GUCY1A2: variants seen among roughly 807,000 people sequenced by gnomAD.
GUCY1A2 encodes the protein guanylate cyclase soluble subunit alpha-2.
GUCY1A2 carries 27 observed loss-of-function variants against 63.5 expected under a neutral mutation model. The ratio of observed to expected loss-of-function variants is 0.43; its 90% CI spans 0.31 to 0.59. The LOEUF is 0.59. Among genes scored for constraint, GUCY1A2 ranks in the 20% least tolerant of loss-of-function variants. The probability of loss-of-function intolerance (pLI) is 0.11; values close to 1 mark genes in which losing one functional copy is unlikely to be tolerated. For missense variants in GUCY1A2, 768 were observed against 913.3 expected (o/e 0.84, Z 2.05); for synonymous variants, 364 against 343.5 (o/e 1.06, Z -0.66).
intron 5 of GUCY1A2, 147 bp downstream of exon 5, chr11:106,809,846 A>C: frequency 1.8e-6 from 1 of 548,640 alleles, no homozygotes. Flanking sequence ...TTACTCATAA[A>C]GAAGAAATAC....
At chr11:106,756,881 T>G (rs1477596959) in intron 6 of GUCY1A2, among the ~76,000 whole-genome samples, 1 of 152,220 alleles carries the variant, frequency 6.6e-6, no homozygotes, top group East Asian at 1.9e-4. Flanking sequence ...TTCCTGAATT[T>G]GAATGTTGGC....
intron 6 of GUCY1A2, among the ~76,000 whole-genome samples, chr11:106,717,727 A>AT (rs1235289819): frequency 1.3e-5 from 2 of 152,204 alleles, no homozygotes; most frequent in Non-Finnish European, 2.9e-5. Flanking sequence ...CATTGTGCAC[A>AT]TTGTGAGGTA....
chr11:106,765,187 C>A (rs1864142046), intron 6 of GUCY1A2, among the ~76,000 whole-genome samples: 1 of 151,970 alleles, frequency 6.6e-6, no homozygotes, highest in South Asian at 2.1e-4. Context: ...TCAAGCTAAC[C>A]CCTACCACAT....
chr11:106,936,577 A>T, intron 4 of GUCY1A2: 1 of 768,942 alleles, frequency 1.3e-6, no homozygotes, highest in Non-Finnish European at 2.1e-6. Context: ...ATGATCACTT[A>T]GAGAAAATGT....
At chr11:107,001,063 G>T (rs1414418438) in intron 1 of GUCY1A2, among the ~76,000 whole-genome samples, 12 of 152,132 alleles carry the variant, frequency 7.9e-5, no homozygotes, top group Admixed American at 6.5e-4. Flanking sequence ...TGCTGAAGGG[G>T]TAATATGAAT....
At chr11:106,710,064 G>GTATAAAGTATATAGTTC (rs1863075032) in intron 6 of GUCY1A2, among the ~76,000 whole-genome samples, 1 of 94,172 alleles carries the variant, frequency 1.1e-5, no homozygotes, top group Admixed American at 1.3e-4. Flanking sequence ...ATATATACAT[G>GTATAAAGTATATAGTTC]TATATAATAT....
intron 4 of GUCY1A2, among the ~76,000 whole-genome samples, chr11:106,903,415 A>T (rs1378135683): frequency 6.6e-6 from 1 of 152,166 alleles, no homozygotes; most frequent in African/African-American, 2.4e-5. Flanking sequence ...TTTCAGCTTT[A>T]CATGTCTTGT....
Position 107,017,839 on chromosome 11 carries a change from T to C in GUCY1A2, c.217A>G (p.Thr73Ala). ...CGCTGCACCCTCCTGGCCCCGGCAG[T>C]GGCAGCGGCGGCGGCGGCAGAAGCA... ...PAASAAAAAA[T>A]AGARRVQRRR... is the part of the protein sequence containing the mutation. Residue 73 changes from threonine to alanine, a missense_variant, in exon 1 of 8, where the codon ACT becomes GCT. By Grantham distance (58) the Thr-to-Ala change is moderately conservative. Around this residue, in one of 3 missense-constraint regions of GUCY1A2, gnomAD observed 496 missense variants for 486.9 expected, o/e 1.02. Transcript: ENST00000526355. 1 of 1,277,166 alleles carries C rather than the reference T, an allele frequency of 7.8e-7. No homozygotes were observed. The highest frequency in any genetic ancestry group is 3.7e-5 in the Admixed American group (1 of 27,068). 79.1% of individuals were successfully genotyped at this position (1,277,166 alleles called of 1,614,324 possible). A position where few individuals can be genotyped will look rare whatever the true frequency, so the allele number is the denominator to read the frequency against.
At chr11:106,732,168 CA>C (rs1212072449) in intron 6 of GUCY1A2, among the ~76,000 whole-genome samples, 1 of 152,096 alleles carries the variant, frequency 6.6e-6, no homozygotes, top group African/African-American at 2.4e-5. Flanking sequence ...GGTACTGGTA[CA>C]AAAACAGACA....
intron 4 of GUCY1A2, among the ~76,000 whole-genome samples, chr11:106,855,496 T>C (rs1354083251): frequency 1.3e-5 from 2 of 152,006 alleles, no homozygotes; most frequent in African/African-American, 4.8e-5. Context: ...GTGGAGGAGG[T>C]GACTGCGGGA....
intron 1 of GUCY1A2, among the ~76,000 whole-genome samples, chr11:107,002,984 A>G (rs1303687424): frequency 6.6e-6 from 1 of 152,180 alleles, no homozygotes; most frequent in Non-Finnish European, 1.5e-5. Context: ...CTTAGGAAAT[A>G]GGTTAGAGAA....
chr11:106,801,827 C>T (rs531814746), intron 5 of GUCY1A2, among the ~76,000 whole-genome samples: 122 of 152,194 alleles, frequency 8.0e-4, no homozygotes, highest in Non-Finnish European at 1.3e-3. Context: ...ATCTCACGTA[C>T]TCCATAAATA....
chr11:106,903,846 T>C (rs568870349), intron 4 of GUCY1A2, among the ~76,000 whole-genome samples: 3 of 152,298 alleles, frequency 2.0e-5, no homozygotes, highest in South Asian at 2.1e-4. Context: ...AGTAGCAACA[T>C]AGCAGCTCAT....
intron 4 of GUCY1A2, among the ~76,000 whole-genome samples, chr11:106,922,814 C>T (rs1003399982): frequency 1.3e-5 from 2 of 151,004 alleles, no homozygotes; most frequent in African/African-American, 2.4e-5. Context: ...TGTCATTTCA[C>T]ATGTATACTC....
chr11:106,687,819 A>G, intron 7 of GUCY1A2, 63 bp from the exon 8 acceptor site: 2 of 1,126,388 alleles, frequency 1.8e-6, no homozygotes, highest in Non-Finnish European at 2.7e-6. Context: ...ACATGGACAG[A>G]AATTTTAAAG....
At chr11:106,713,075 G>GTATC (rs1863149567) in intron 6 of GUCY1A2, among the ~76,000 whole-genome samples, 1 of 152,072 alleles carries the variant, frequency 6.6e-6, no homozygotes, top group South Asian at 2.1e-4. Context: ...AGTTTGTTGG[G>GTATC]TATCTCCTGG....
In GUCY1A2 at chr11:106,776,419, T is replaced by C; in HGVS notation, c.1836+20A>G. ...TTAATGGTGCACTTACTACTCAAAC[T>C]AGATTGTTGGGAGGGTTACCTGAAT... On this transcript the variant is annotated intron_variant, in intron 6 of 7. Coordinates refer to ENST00000526355, the MANE Select transcript of GUCY1A2 (RefSeq NM_000855.3). 6.2e-7 allele frequency: 1 copy of C among 1,603,292 alleles called. No individual in the cohort carries two copies. The highest frequency in any genetic ancestry group is 8.5e-7 in the Non-Finnish European group (1 of 1,170,512).
intron 6 of GUCY1A2, among the ~76,000 whole-genome samples, chr11:106,749,382 G>A (rs2135384134): frequency 6.6e-6 from 1 of 152,124 alleles, no homozygotes; most frequent in South Asian, 2.1e-4. Flanking sequence ...TCTCCTTTGG[G>A]CTGCGGAATC....
At chr11:106,743,896 A>G (rs1287281192) in intron 6 of GUCY1A2, among the ~76,000 whole-genome samples, 1 of 152,220 alleles carries the variant, frequency 6.6e-6, no homozygotes, top group African/African-American at 2.4e-5. Flanking sequence ...AACTGGACAC[A>G]AGATTCCAGA....
Sources: allele counts gnomAD v4.1 joint callset (sites outside exome capture counted in the v4.1 genomes callset), GRCh38; gene constraint gnomAD v4.1.1; regional missense constraint gnomAD v4.1.1; transcripts MANE v1.5; gene names NCBI Gene and HGNC (gene_info 2026-07-23, HGNC 2026-07-21).